Variants in CASP1 observed in about 807,000 individuals in gnomAD.
The protein encoded by CASP1 is caspase 1.
A neutral mutation model predicts 41.2 loss-of-function variants in CASP1; 31 were observed. That is an observed-to-expected ratio of 0.75 (90% CI 0.57 to 1.02). CASP1 has a LOEUF of 1.02. CASP1 is among the 50% of genes least tolerant of loss of function. CASP1 has a pLI of 0.00. For synonymous variants in CASP1, 163 were observed against 166.5 expected (o/e 0.98, Z 0.16); for missense variants, 490 against 495.7 (o/e 0.99, Z 0.11).
At chr11:105,030,910 G>T in intron 4 of CASP1, 1 of 434,318 alleles carries the variant, frequency 2.3e-6, no homozygotes, top group Non-Finnish European at 4.2e-6. Context: ...AAAATGCTTA[G>T]AACAATGCCC....
rs1863573626 is a variant in CASP1 at position 105,029,899 on chromosome 11, C to A, written c.628G>T (p.Asp210Tyr). The A allele has an allele frequency of 2.5e-6, 4 of 1,603,406 alleles. No homozygotes were observed. Among genetic ancestry groups the A allele is most frequent in the Non-Finnish European group, 3.4e-6 (4 of 1,170,472 alleles). Residue 210 changes from aspartate to tyrosine, a missense_variant and splice_region_variant, in exon 6 of 9, where the codon GAC (aspartate) becomes TAC (tyrosine). Coordinates refer to ENST00000533400, the MANE Select transcript of CASP1 (RefSeq NM_001257118.3). Reference sequence around the variant, plus strand: ...AATGCCTCCAGCTCTGTAGTCATGTCCTGAAAGACACCATATCACTGATTT... The same window carrying A: ...AATGCCTCCAGCTCTGTAGTCATGTACTGAAAGACACCATATCACTGATTT... Reference protein sequence around the residue: ...VDVKKNLTASDMTTELEAFAH... With the variant: ...VDVKKNLTASYMTTELEAFAH...
upstream of CASP1, chr11:105,035,329 A>G (rs1403139245): frequency 1.7e-6 from 1 of 605,656 alleles, no homozygotes; most frequent in African/African-American, 1.9e-5. Context: ...TCAGGGTAGG[A>G]GGGGAATGGG....
chr11:105,030,458 T>C lies in CASP1; in HGVS notation c.499A>G (p.Ile167Val), dbSNP rs750966281. Residue 167 changes from isoleucine to valine, a missense_variant, in exon 5 of 9, where the codon ATT (isoleucine) becomes GTT (valine). Coordinates refer to ENST00000533400, the MANE Select transcript of CASP1 (RefSeq NM_001257118.3). Reference sequence around the variant, plus strand: ...CTGTCAAATTCTTCATTGCAGATAATGAGAGCAAGACGTGTGCGGCTTGAC... The same window carrying C: ...CTGTCAAATTCTTCATTGCAGATAACGAGAGCAAGACGTGTGCGGCTTGAC... Reference protein sequence around the residue: ...DKSSRTRLALIICNEEFDSIP... With the variant: ...DKSSRTRLALVICNEEFDSIP... 2 of 1,613,624 alleles carry C rather than the reference T, an allele frequency of 1.2e-6. No homozygotes were observed. The highest frequency in any genetic ancestry group is 2.2e-5 in the East Asian group (1 of 44,872).
downstream of CASP1, chr11:105,025,481 T>C (rs1187581382): frequency 2.5e-6 from 1 of 406,338 alleles, no homozygotes; most frequent in Non-Finnish European, 4.7e-6. Context: ...CCCTGTTTCT[T>C]CAGTGTGGGA....
chr11:105,029,039 G>T, intron 7 of CASP1, 85 bp downstream of exon 7: 1 of 1,285,568 alleles, frequency 7.8e-7, no homozygotes, highest in Non-Finnish European at 1.1e-6. Flanking sequence ...TTGGTCTTGA[G>T]TTGTTAATCA....
In CASP1 at chr11:105,026,265, C is replaced by T; in HGVS notation, c.1208G>A (p.Gly403Glu). Residue 403 changes from glycine (G) to glutamate (E), a missense_variant, in exon 9 of 9, where the codon GGA (glycine) becomes GAA (glutamate). Coordinates refer to ENST00000533400, the MANE Select transcript of CASP1 (RefSeq NM_001257118.3). Reference protein sequence around the residue: ...TLTRCFYLFPGH With the variant: ...TLTRCFYLFPEH ...TCATACAGTTTCCTTATTTTAATGTCCTGGGAAGAGGTAGAAACATCTTGT... is the reference window on the plus strand; with the variant it reads ...TCATACAGTTTCCTTATTTTAATGTTCTGGGAAGAGGTAGAAACATCTTGT... 2 of 1,598,060 alleles carry T rather than the reference C, an allele frequency of 1.3e-6. No individual in the cohort carries two copies. Among genetic ancestry groups the T allele is most frequent in the South Asian group, 1.1e-5 (1 of 90,676 alleles).
intron 8 of CASP1, 95 bp downstream of exon 8, chr11:105,026,747 A>C: frequency 1.3e-6 from 1 of 748,820 alleles, no homozygotes; most frequent in Non-Finnish European, 2.4e-6. Context: ...CATTATTGGA[A>C]GATAAACTTG....
In CASP1 at chr11:105,031,235, C is replaced by T. The variant is rs770034012; in HGVS notation, c.383G>A (p.Gly128Asp). 1.9e-6 allele frequency: 3 copies of T among 1,612,936 alleles called. No homozygotes were observed. Among genetic ancestry groups the T allele is most frequent in the Non-Finnish European group, 1.7e-6 (2 of 1,179,208 alleles). ...GCAAAGCTTGACATTCCCTTCTGAG[C>T]CTGAGGATGTGGGCATAGCTGGGTT... Reference protein sequence around the residue: ...QDNPAMPTSSGSEGNVKLCSL... With the variant: ...QDNPAMPTSSDSEGNVKLCSL... Residue 128 changes from glycine (G) to aspartate (D), a missense_variant, in exon 4 of 9, where the codon GGC (glycine) becomes GAC (aspartate). Gly to Asp is a moderately conservative substitution (Grantham distance 94). Coordinates refer to ENST00000533400, the MANE Select transcript of CASP1 (RefSeq NM_001257118.3).
intron 6 of CASP1, 83 bp downstream of exon 6, chr11:105,029,582 C>A (rs1397383523): frequency 1.9e-6 from 2 of 1,043,224 alleles, no homozygotes; most frequent in South Asian, 1.4e-5. Context: ...AAAGACAAAC[C>A]AAAAGAAACC....
At chr11:105,030,917 G>A in intron 4 of CASP1, 1 of 443,200 alleles carries the variant, frequency 2.3e-6, no homozygotes, top group East Asian at 4.0e-5. Flanking sequence ...TTAGAACAAT[G>A]CCCATTCTTA....
chr11:105,035,635 A>C (rs1480955192), upstream of CASP1, among the ~76,000 whole-genome samples: 1 of 10,842 alleles, frequency 9.2e-5, no homozygotes, highest in African/African-American at 3.5e-4. Context: ...TTTTTTTCTG[A>C]TACAGGGTAT....
intron 3 of CASP1, among the ~76,000 whole-genome samples, chr11:105,032,383 T>A (rs2134849344): frequency 6.6e-6 from 1 of 152,278 alleles, no homozygotes; most frequent in East Asian, 1.9e-4. Flanking sequence ...ATATTGAATA[T>A]CCCATGCTGT....
In CASP1 at chr11:105,030,415, C is replaced by T. The variant is rs1863617591; in HGVS notation, c.542G>A (p.Gly181Glu). ...EEFDSIPRRT[G>E]AEVDITGMTM... ...CATGCCTGTGATGTCAACCTCAGCT[C>T]CAGTTCTTCTAGGAATACTGTCAAA... is the stretch of plus-strand genomic sequence containing the variant. Residue 181 changes from glycine to glutamate, a missense_variant, in exon 5 of 9, where the codon GGA (glycine) becomes GAA (glutamate). Coordinates refer to ENST00000533400, the MANE Select transcript of CASP1 (RefSeq NM_001257118.3). 1.9e-6 allele frequency: 3 copies of T among 1,613,464 alleles called. No individual in the cohort carries two copies. In the African/African-American group the frequency reaches 4.0e-5, roughly 22 times the overall value.
At chr11:105,030,184 C>A in intron 5 of CASP1, 146 bp downstream of exon 5, 3 of 697,522 alleles carry the variant, frequency 4.3e-6, no homozygotes, top group Non-Finnish European at 7.3e-6. Context: ...TACAAAGGAC[C>A]ATGTAGTATC....
intron 1 of CASP1, chr11:105,034,810 C>T: frequency 1.7e-6 from 1 of 595,270 alleles, no homozygotes. Context: ...GCTGCTAGTA[C>T]TCCTCCTGTG....
chr11:105,029,692 C>A lies in CASP1; in HGVS notation c.835G>T (p.Val279Leu), dbSNP rs1257617014. 6.2e-7 allele frequency: 1 copy of A among 1,613,546 alleles called. No individual in the cohort carries two copies. Among genetic ancestry groups the A allele is most frequent in the South Asian group, 1.1e-5 (1 of 91,076 alleles). The change falls in exon 6 of 9, where the codon GTG (valine) becomes TTG (leucine). Residue 279 changes from valine to leucine, a missense_variant. Coordinates refer to ENST00000533400, the MANE Select transcript of CASP1 (RefSeq NM_001257118.3). ...NCPSLKDKPK[V>L]IIIQACRGDS... ...CCACGGCAGGCCTGGATGATGATCA[C>A]CTTCGGTTTGTCCTTCAAACTTGGG...
At chr11:105,029,308 T>C in intron 6 of CASP1, 41 bp from the exon 7 acceptor site, 2 of 1,571,898 alleles carry the variant, frequency 1.3e-6, no homozygotes, top group Non-Finnish European at 1.7e-6. Flanking sequence ...TACCAATGGC[T>C]GAGAAGATGT....
intron 7 of CASP1, among the ~76,000 whole-genome samples, chr11:105,028,039 A>G (rs2134815003): frequency 6.6e-6 from 1 of 152,224 alleles, no homozygotes; most frequent in South Asian, 2.1e-4. Flanking sequence ...AGAGCGGTGA[A>G]TGTCATGTGG....
chr11:105,034,225 G>A lies in CASP1; in HGVS notation c.257C>T (p.Thr86Met), dbSNP rs768426952. 6.6e-5 allele frequency: 107 copies of A among 1,613,930 alleles called. No homozygotes were observed. The Admixed American group carries it at 8.2e-4, about 12-fold the overall frequency. ...ICEEDSYLAG[T>M]LGLSADQTSG... ...ACCCTTACCTGCTGAGAGTCCCAGC[G>A]TCCCTGCCAGGTAACTGTCTTCTTC... The change falls in exon 2 of 9, where the codon ACG becomes ATG. Residue 86 changes from threonine to methionine, a missense_variant. Coordinates refer to ENST00000533400, the MANE Select transcript of CASP1 (RefSeq NM_001257118.3).
Sources: allele counts gnomAD v4.1 joint callset (sites outside exome capture counted in the v4.1 genomes callset), GRCh38; gene constraint gnomAD v4.1.1; transcripts MANE v1.5; gene names NCBI Gene and HGNC (gene_info 2026-07-23, HGNC 2026-07-21).